Variants in MLN observed in about 807,000 individuals in gnomAD.
The protein encoded by MLN is promotilin.
In MLN, 14 loss-of-function variants were observed where a neutral mutation model predicts 13.3. The ratio of observed to expected loss-of-function variants is 1.05; its 90% CI spans 0.69 to 1.64. MLN has a LOEUF of 1.64. Ranked by LOEUF, MLN falls within the 40% of genes most tolerant of loss-of-function variation. MLN has a pLI of 0.00. For synonymous variants in MLN, 59 were observed against 54.7 expected, an observed-to-expected ratio of 1.08 and a Z score of -0.34; for missense variants, 122 against 142.9, an observed-to-expected ratio of 0.85 and a Z score of 0.75.
intron 3 of MLN, among the ~76,000 whole-genome samples, chr6:33,798,229 G>A (rs994525622): frequency 6.6e-6 from 1 of 152,152 alleles, no homozygotes; most frequent in Non-Finnish European, 1.5e-5. Context: ...TTTGTGGTCT[G>A]TTTCAGTCGT....
intron 1 of MLN, among the ~76,000 whole-genome samples, chr6:33,802,812 G>A (rs1294395376): frequency 6.6e-6 from 1 of 152,058 alleles, no homozygotes; most frequent in African/African-American, 2.4e-5. Flanking sequence ...GGTTGAGGTG[G>A]GTGGGACCCA....
chr6:33,801,122 A>T lies in MLN; in HGVS notation c.42T>A (p.His14Gln). Residue 14 changes from histidine (H) to glutamine (Q), a missense_variant, in exon 2 of 5, where the codon CAT (histidine) becomes CAA (glutamine). His to Gln is a conservative substitution (Grantham distance 24, BLOSUM62 0). Coordinates refer to ENST00000430124, the MANE Select transcript of MLN (RefSeq NM_002418.3). ...RKAVAALLVV[H>Q]VAAMLASQTE... ...TCTGGGAGGCCAGCATGGCAGCTAC[A>T]TGCACCACCAGCAGAGCAGCCACAG... 1 of 1,614,010 alleles carries T rather than the reference A, an allele frequency of 6.2e-7. No individual in the cohort carries two copies. The highest frequency in any genetic ancestry group is 8.5e-7 in the Non-Finnish European group (1 of 1,179,968).
intron 2 of MLN, 59 bp downstream of exon 2, chr6:33,800,988 C>T (rs1034321839): frequency 1.8e-5 from 24 of 1,312,978 alleles, no homozygotes; most frequent in African/African-American, 7.2e-5. Context: ...TTGGTATCAC[C>T]GGCATAGGTC....
intron 2 of MLN, among the ~76,000 whole-genome samples, chr6:33,800,306 C>T (rs1021286540): frequency 6.6e-6 from 1 of 152,332 alleles, no homozygotes; most frequent in South Asian, 2.1e-4. Context: ...AGATACTCAG[C>T]GTCCCCTGAA....
chr6:33,801,745 A>G (rs1760834167), intron 1 of MLN, among the ~76,000 whole-genome samples: 1 of 152,236 alleles, frequency 6.6e-6, no homozygotes, highest in South Asian at 2.1e-4. Context: ...CTGAGCCAAG[A>G]GGGCACCCCC....
At chr6:33,802,194 T>A (rs1055126077) in intron 1 of MLN, among the ~76,000 whole-genome samples, 5 of 152,114 alleles carry the variant, frequency 3.3e-5, no homozygotes, top group Non-Finnish European at 5.9e-5. Context: ...CTGCCCATAG[T>A]AGGCAGAGGA....
intron 3 of MLN, among the ~76,000 whole-genome samples, chr6:33,797,507 C>A (rs1767953645): frequency 6.6e-6 from 1 of 152,230 alleles, no homozygotes; most frequent in Non-Finnish European, 1.5e-5. Flanking sequence ...CTGCAGCCAA[C>A]CACAGGCTAC....
Position 33,795,545 on chromosome 6 carries a change from C to A in MLN, c.295G>T (p.Ala99Ser). The change falls in exon 4 of 5, where the codon GCC (alanine) becomes TCC (serine). Residue 99 changes from alanine (A) to serine (S), a missense_variant. Transcript: ENST00000430124. ...TCACTCAGCAGCCCTTCCAGGGTGG[C>A]CGGGTACTTTTCCAGCTGTCTGGAG... Reference protein sequence around the residue: ...MNSRQLEKYPATLEGLLSEML... With the variant: ...MNSRQLEKYPSTLEGLLSEML... 6.4e-7 allele frequency: 1 copy of A among 1,567,270 alleles called. No homozygotes were observed.
At chr6:33,800,453 G>T (rs760320349) in intron 2 of MLN, among the ~76,000 whole-genome samples, 1 of 152,172 alleles carries the variant, frequency 6.6e-6, no homozygotes, top group Non-Finnish European at 1.5e-5. Flanking sequence ...TACATGGACC[G>T]CAGCCTTGTT....
Position 33,795,495 on chromosome 6 carries a change from C to A in MLN, c.337+8G>T. ...GCCAAGCCACAGAGATGCCCGCCCTCCCCGTACCATGCTGGGGAAGCATCT... is the reference window on the plus strand; with the variant it reads ...GCCAAGCCACAGAGATGCCCGCCCTACCCGTACCATGCTGGGGAAGCATCT... On this transcript the variant is annotated splice_region_variant and intron_variant, in intron 4 of 4. Transcript: ENST00000430124. 6.4e-7 allele frequency: 1 copy of A among 1,556,278 alleles called. No homozygotes were observed. Among genetic ancestry groups the A allele is most frequent in the East Asian group, 2.4e-5 (1 of 41,948 alleles).
In MLN at chr6:33,799,329, C is replaced by T. The variant is rs543715920; in HGVS notation, c.118-108G>A. On this transcript the variant is annotated intron_variant, in intron 2 of 4. Transcript: ENST00000430124. The surrounding 1 kb of genome is among the most constrained non-coding windows in gnomAD (Gnocchi z 4.6). ...GGTGCTGTCTGCCCTGAGCTCCCTA[C>T]AGACTGAAAGAACCCTTTCCTCCAG... is the stretch of plus-strand genomic sequence containing the variant. 50 of 694,430 alleles carry T rather than the reference C, an allele frequency of 7.2e-5. No individual in the cohort carries two copies. The highest frequency in any genetic ancestry group is 1.1e-4 in the Non-Finnish European group (45 of 405,384). The allele number at this position is 694,430 out of a possible 1,614,324, so 43.0% of individuals were successfully genotyped here.
At chr6:33,795,242 GTGA>G in intron 4 of MLN, among the ~76,000 whole-genome samples, 1 of 152,238 alleles carries the variant, frequency 6.6e-6, no homozygotes, top group Non-Finnish European at 1.5e-5. Context: ...CCACCCTGTG[GTGA>G]TGTTGTGGAA....
rs969592151 is a variant in MLN at position 33,803,992 on chromosome 6, T to G, written c.-47A>C. The G allele has an allele frequency of 6.6e-6, 1 of 152,372 alleles. No individual in the cohort carries two copies. Among genetic ancestry groups the G allele is most frequent in the African/African-American group, 2.4e-5 (1 of 41,446 alleles). 9.4% of individuals were successfully genotyped at this position (152,372 alleles called of 1,614,324 possible). A position where few individuals can be genotyped will look rare whatever the true frequency, so the allele number is the denominator to read the frequency against. ...CTGAGTGGGTCTGGAGGAGTCTCTC[T>G]GCTTGTCTTCTGGTGTCCGGCTGAT... On this transcript the variant is annotated 5_prime_UTR_variant, in exon 1 of 5. Coordinates refer to ENST00000430124, the MANE Select transcript of MLN (RefSeq NM_002418.3). This position sits in a 1 kb window ranked among gnomAD's most constrained non-coding sequence, Gnocchi z 4.5.
intron 1 of MLN, 96 bp from the exon 2 acceptor site, chr6:33,801,266 A>G: frequency 2.3e-6 from 2 of 860,836 alleles, no homozygotes; most frequent in East Asian, 2.5e-5. Flanking sequence ...CCCATGCCCT[A>G]CCTCTAGCTG....
chr6:33,803,080 G>A lies in MLN; in HGVS notation c.-8+873C>T, dbSNP rs1175126149. On this transcript the variant is annotated intron_variant, in intron 1 of 4. Transcript: ENST00000430124. The surrounding 1 kb of genome is among the most constrained non-coding windows in gnomAD (Gnocchi z 4.5). Reference sequence around the variant, plus strand: ...CAGTCGGCATGTCACCTACGTTCATGTGTGTTCTGGTGAGCTGGAGGTGGG... The same window carrying A: ...CAGTCGGCATGTCACCTACGTTCATATGTGTTCTGGTGAGCTGGAGGTGGG... Among the ~76,000 whole-genome samples the A allele has an allele frequency of 6.6e-6, 1 of 152,158 alleles. No individual in the cohort carries two copies. Among genetic ancestry groups the A allele is most frequent in the Non-Finnish European group, 1.5e-5 (1 of 68,032 alleles).
In MLN at chr6:33,799,342, CCCTT is replaced by C; in HGVS notation, c.118-125_118-122del. The C allele has an allele frequency of 3.2e-6, 2 of 619,124 alleles. No homozygotes were observed. Among genetic ancestry groups the C allele is most frequent in the Non-Finnish European group, 5.7e-6 (2 of 350,008 alleles). The allele number at this position is 619,124 out of a possible 1,614,324, so 38.4% of individuals were successfully genotyped here. A position where few individuals can be genotyped will look rare whatever the true frequency, so the allele number is the denominator to read the frequency against. The stretch of plus-strand genomic sequence containing the variant: ...CTGAGCTCCCTACAGACTGAAAGAA[CCCTT>C]TCCTCCAGGAGCCTCCTGCACGAGG... On this transcript the variant is annotated intron_variant, in intron 2 of 4. Coordinates refer to ENST00000430124, the MANE Select transcript of MLN (RefSeq NM_002418.3). This position sits in a 1 kb window ranked among gnomAD's most constrained non-coding sequence, Gnocchi z 4.6.
Position 33,795,442 on chromosome 6 carries a change from G to A in MLN, c.337+61C>T, listed in dbSNP as rs1380315755. 4.4e-6 allele frequency: 6 copies of A among 1,350,922 alleles called. No homozygotes were observed. In the East Asian group the frequency reaches 1.2e-4, roughly 28 times the overall value. 83.7% of individuals were successfully genotyped at this position (1,350,922 alleles called of 1,614,324 possible). ...GCCACCCTGAAACCCTGCCTCTGGA[G>A]TATTAACGCCAGGGTGGGCGGAGGC... On this transcript the variant is annotated intron_variant, in intron 4 of 4. Coordinates refer to ENST00000430124, the MANE Select transcript of MLN (RefSeq NM_002418.3).
Position 33,799,139 on chromosome 6 carries a change from T to G in MLN, c.200A>C (p.Glu67Ala). The change falls in exon 3 of 5, where the codon GAG becomes GCG. Residue 67 changes from glutamate to alanine, a missense_variant. By Grantham distance (107) the Glu-to-Ala change is moderately radical. Coordinates refer to ENST00000430124, the MANE Select transcript of MLN (RefSeq NM_002418.3). The surrounding 1 kb of genome is among the most constrained non-coding windows in gnomAD (Gnocchi z 4.6). Reference protein sequence around the residue: ...SGEEGPVDPAEPIREEENEMI... With the variant: ...SGEEGPVDPAAPIREEENEMI... ...TTCGTTTTCTTCTTCCCTGATGGGC[T>G]CCGCAGGGTCTACAGGACCTTCCTC... 6.2e-7 allele frequency: 1 copy of G among 1,611,894 alleles called. No individual in the cohort carries two copies. The highest frequency in any genetic ancestry group is 1.3e-5 in the African/African-American group (1 of 75,018).
At chr6:33,800,280 A>G (rs1221102867) in intron 2 of MLN, among the ~76,000 whole-genome samples, 1 of 152,214 alleles carries the variant, frequency 6.6e-6, no homozygotes, top group Non-Finnish European at 1.5e-5. Flanking sequence ...GGTTAAAGGG[A>G]ACCAAACATC....
Sources: allele counts gnomAD v4.1 joint callset (sites outside exome capture counted in the v4.1 genomes callset), GRCh38; gene constraint gnomAD v4.1.1; non-coding constraint Gnocchi (gnomAD v3.1); transcripts MANE v1.5; gene names NCBI Gene and HGNC (gene_info 2026-07-23, HGNC 2026-07-21).